Variants in FOXP1 observed in about 807,000 individuals in gnomAD.
FOXP1 encodes forkhead box P1.
In FOXP1, 15 loss-of-function variants were observed where a neutral mutation model predicts 98.2. The observed-to-expected ratio is 0.15, with a 90% confidence interval of 0.10 to 0.24. The LOEUF (loss-of-function observed/expected upper bound fraction) is 0.24, where lower values mean the gene tolerates loss of function less well. Ranked by LOEUF, FOXP1 falls within the 10% of genes least tolerant of loss-of-function variation. The pLI is 1.00. For missense variants in FOXP1, 633 were observed against 848.5 expected (o/e 0.75, Z 3.15); for synonymous variants, 371 against 314.5 (o/e 1.18, Z -1.90).
chr3:71,195,598 G>T (rs1236462278), intron 6 of FOXP1, among the ~76,000 whole-genome samples: 2 of 152,156 alleles, frequency 1.3e-5, no homozygotes, highest in Non-Finnish European at 2.9e-5. Context: ...AACCCCTGTT[G>T]TCTTTGTACT....
chr3:71,430,786 G>A (rs2084635481), intron 3 of FOXP1, among the ~76,000 whole-genome samples: 1 of 152,080 alleles, frequency 6.6e-6, no homozygotes, highest in Non-Finnish European at 1.5e-5. Flanking sequence ...CTGCCTTATG[G>A]TGTCTGTCAC....
chr3:71,331,826 C>T (rs1279976539), intron 4 of FOXP1, among the ~76,000 whole-genome samples: 1 of 152,206 alleles, frequency 6.6e-6, no homozygotes, highest in African/African-American at 2.4e-5. Context: ...CACCAATCAG[C>T]ACCCTGTGTC....
chr3:71,104,635 A>G (rs1243443743), intron 7 of FOXP1, among the ~76,000 whole-genome samples: 1 of 152,184 alleles, frequency 6.6e-6, no homozygotes, highest in Non-Finnish European at 1.5e-5. Flanking sequence ...CTGCATATGG[A>G]AACAATATAA....
At chr3:71,000,432 T>C (rs1408304618) in intron 13 of FOXP1, among the ~76,000 whole-genome samples, 2 of 152,030 alleles carry the variant, frequency 1.3e-5, no homozygotes, top group Non-Finnish European at 2.9e-5. Context: ...AAATGAGAAA[T>C]AAACCCACAT....
chr3:71,473,841 A>C (rs191682003), intron 3 of FOXP1, among the ~76,000 whole-genome samples: 1 of 152,166 alleles, frequency 6.6e-6, no homozygotes, highest in South Asian at 2.1e-4. Context: ...GACACACACA[A>C]AAAGAACTGT....
intron 4 of FOXP1, chr3:71,334,592 C>A (rs150595489): frequency 2.6e-5 from 4 of 152,192 alleles, no homozygotes; most frequent in African/African-American, 7.2e-5. Context: ...AAGATATAAT[C>A]TAATAAAATT....
At chr3:71,400,609 C>T (rs1177057121) in intron 3 of FOXP1, among the ~76,000 whole-genome samples, 2 of 152,134 alleles carry the variant, frequency 1.3e-5, no homozygotes, top group East Asian at 1.9e-4. Flanking sequence ...CCACCCACCT[C>T]GGCCTCCCAA....
chr3:71,579,889 C>T (rs1309076893), intron 2 of FOXP1, among the ~76,000 whole-genome samples: 1 of 152,068 alleles, frequency 6.6e-6, no homozygotes, highest in East Asian at 1.9e-4. Flanking sequence ...AAAAAAATAA[C>T]TTGTTTCGCG....
intron 3 of FOXP1, among the ~76,000 whole-genome samples, chr3:71,448,550 G>A (rs2086659923): frequency 6.6e-6 from 1 of 152,156 alleles, no homozygotes; most frequent in African/African-American, 2.4e-5. Context: ...GTGAACTTGG[G>A]TAAATGATTT....
chr3:71,233,313 G>A (rs1436964527), intron 5 of FOXP1, among the ~76,000 whole-genome samples: 1 of 152,022 alleles, frequency 6.6e-6, no homozygotes, highest in Non-Finnish European at 1.5e-5. Flanking sequence ...TATCAAGAAA[G>A]GTCTATGGTC....
intron 5 of FOXP1, among the ~76,000 whole-genome samples, chr3:71,282,125 C>A (rs1288826): frequency 3.3e-5 from 5 of 151,728 alleles, no homozygotes; most frequent in African/African-American, 1.2e-4. Context: ...TGTAACAAAG[C>A]TAAGTGAAGA....
chr3:71,156,723 G>A (rs113101648), intron 6 of FOXP1, among the ~76,000 whole-genome samples: 1 of 152,100 alleles, frequency 6.6e-6, no homozygotes, highest in African/African-American at 2.4e-5. Context: ...CTTGATTTTA[G>A]TGCCCAAAGG....
intron 2 of FOXP1, among the ~76,000 whole-genome samples, chr3:71,556,291 A>G (rs2046123673): frequency 6.6e-6 from 1 of 152,104 alleles, no homozygotes; most frequent in Non-Finnish European, 1.5e-5. Flanking sequence ...TTCACCTTGA[A>G]AACTGTCAAA....
chr3:71,226,315 G>A (rs926818266), intron 5 of FOXP1, among the ~76,000 whole-genome samples: 1 of 152,146 alleles, frequency 6.6e-6, no homozygotes, highest in African/African-American at 2.4e-5. Flanking sequence ...GGGGAGGCTG[G>A]GATTCTTCAA....
Position 71,378,805 on chromosome 3 carries a change from T to C in FOXP1, c.-167-19561A>G, listed in dbSNP as rs372950305. ...TGTACCTAAGTTATAAATTAAATCT[T>C]ATCATATGTATGTATGTATAGGAAA... On this transcript the variant is annotated intron_variant, in intron 3 of 20. Transcript: ENST00000649528. 9.2e-5 allele frequency among the ~76,000 whole-genome samples: 14 copies of C among 152,212 alleles called. No individual in the cohort carries two copies. In the East Asian group the frequency reaches 2.7e-3, roughly 29 times the overall value.
intron 6 of FOXP1, among the ~76,000 whole-genome samples, chr3:71,155,939 A>C (rs947583171): frequency 2.6e-5 from 4 of 152,222 alleles, no homozygotes; most frequent in African/African-American, 9.6e-5. Flanking sequence ...TGTGCTTTGG[A>C]CAATCAAGGA....
intron 3 of FOXP1, among the ~76,000 whole-genome samples, chr3:71,416,686 A>C (rs1193882594): frequency 1.3e-5 from 2 of 152,110 alleles, no homozygotes; most frequent in East Asian, 3.9e-4. Flanking sequence ...AGCAGCAGGT[A>C]AATGGGTGAA....
intron 3 of FOXP1, among the ~76,000 whole-genome samples, chr3:71,454,674 A>T (rs1224109935): frequency 6.6e-6 from 1 of 152,040 alleles, no homozygotes; most frequent in Non-Finnish European, 1.5e-5. Flanking sequence ...GTGCTCTAGA[A>T]GAACTATGAT....
chr3:71,153,969 T>C (rs2060700113), intron 6 of FOXP1, among the ~76,000 whole-genome samples: 1 of 152,214 alleles, frequency 6.6e-6, no homozygotes, highest in Non-Finnish European at 1.5e-5. Flanking sequence ...TTATGTACAA[T>C]TGACACAAGG....
Sources: gnomAD v4.1 joint callset for allele counts (sites outside exome capture counted in the v4.1 genomes callset) on GRCh38, gnomAD v4.1.1 for gene constraint, MANE v1.5 for transcripts, NCBI Gene and HGNC (gene_info 2026-07-23, HGNC 2026-07-21) for gene names.